GPHN: variants seen among roughly 807,000 people sequenced by gnomAD.
GPHN encodes the protein gephyrin.
GPHN carries 17 observed loss-of-function variants against 95.5 expected under a neutral mutation model. The observed-to-expected ratio is 0.18, with a 90% confidence interval of 0.12 to 0.27. The LOEUF (loss-of-function observed/expected upper bound fraction) is 0.27, where lower values mean the gene tolerates loss of function less well. GPHN is among the 10% of genes least tolerant of loss of function. The pLI is 1.00. For synonymous variants in GPHN, 320 were observed against 322.5 expected, an observed-to-expected ratio of 0.99 and a Z score of 0.08; for missense variants, 660 against 978.1, an observed-to-expected ratio of 0.67 and a Z score of 4.34.
At chr14:66,582,374 A>C (rs2061221633) in intron 1 of GPHN, among the ~76,000 whole-genome samples, 1 of 151,774 alleles carries the variant, frequency 6.6e-6, no homozygotes. Context: ...ATGCAACAAA[A>C]GCATTTTATT....
At chr14:67,047,755 G>A (rs959209362) in intron 10 of GPHN, among the ~76,000 whole-genome samples, 1 of 152,178 alleles carries the variant, frequency 6.6e-6, no homozygotes, top group Non-Finnish European at 1.5e-5. Context: ...GAGGCCAGGG[G>A]TTTGAAACCA....
In GPHN at chr14:66,508,169, C is replaced by T. The variant is rs1161560885; in HGVS notation, c.-359C>T. The stretch of plus-strand genomic sequence containing the variant: ...TATCCTTTCCTCTCAGTCCTGCCAT[C>T]TAGCTGCCTTGGGTCTCGCGCTCCG... On this transcript the variant is annotated 5_prime_UTR_variant, in exon 1 of 23. Transcript: ENST00000478722. 1 of 472,800 alleles carries T rather than the reference C, an allele frequency of 2.1e-6. No individual in the cohort carries two copies. The highest frequency in any genetic ancestry group is 3.9e-6 in the Non-Finnish European group (1 of 256,562). The allele number at this position is 472,800 out of a possible 1,614,324, so 29.3% of individuals were successfully genotyped here. A position where few individuals can be genotyped will look rare whatever the true frequency, so the allele number is the denominator to read the frequency against.
intron 1 of GPHN, among the ~76,000 whole-genome samples, chr14:66,528,645 T>C (rs769294981): frequency 1.3e-5 from 2 of 152,198 alleles, no homozygotes; most frequent in Non-Finnish European, 2.9e-5. Context: ...GGAGCTCTTG[T>C]AAGGCAGGCC....
intron 4 of GPHN, among the ~76,000 whole-genome samples, chr14:66,842,055 C>T (rs1229551216): frequency 5.2e-4 from 77 of 147,010 alleles, no homozygotes; most frequent in African/African-American, 1.7e-3. Context: ...TCCTTCCCCC[C>T]GCCCCCGCCC....
intron 11 of GPHN, among the ~76,000 whole-genome samples, chr14:67,072,589 A>T (rs2076352377): frequency 6.6e-6 from 1 of 152,168 alleles, no homozygotes; most frequent in African/African-American, 2.4e-5. Context: ...ATAAGAAGAA[A>T]ATCAGAGACA....
the GPHN span, among the ~76,000 whole-genome samples, chr14:67,372,240 A>G: frequency 1.3e-5 from 2 of 152,264 alleles, no homozygotes; most frequent in East Asian, 1.9e-4. Flanking sequence ...TGCTGGGACA[A>G]CTGGATGTCC....
chr14:67,246,543 A>G, the GPHN span, among the ~76,000 whole-genome samples: 1 of 150,932 alleles, frequency 6.6e-6, no homozygotes, highest in South Asian at 2.1e-4. Flanking sequence ...ATCTCCCTAT[A>G]TTGCCCAAGC....
chr14:66,806,880 C>T (rs905532000), intron 3 of GPHN, among the ~76,000 whole-genome samples: 2 of 152,190 alleles, frequency 1.3e-5, no homozygotes, highest in Non-Finnish European at 2.9e-5. Flanking sequence ...ATTGTTCCAA[C>T]CCCTACCTGT....
At chr14:66,537,635 T>G (rs1032441760) in intron 1 of GPHN, among the ~76,000 whole-genome samples, 4 of 152,190 alleles carry the variant, frequency 2.6e-5, no homozygotes, top group Admixed American at 2.6e-4. Context: ...GTGTACCCTT[T>G]CTAATGCTCA....
intron 2 of GPHN, among the ~76,000 whole-genome samples, chr14:66,710,976 C>T (rs1237258781): frequency 1.3e-5 from 2 of 152,086 alleles, no homozygotes; most frequent in Non-Finnish European, 2.9e-5. Flanking sequence ...CCACATATAC[C>T]TTACTAGAAT....
chr14:67,716,349 T>C, the GPHN span, among the ~76,000 whole-genome samples: 2 of 152,090 alleles, frequency 1.3e-5, no homozygotes, highest in Admixed American at 6.6e-5. Context: ...AGAGGAGATA[T>C]ATTTAAGTTG....
the GPHN span, among the ~76,000 whole-genome samples, chr14:67,688,834 G>A: frequency 2.0e-5 from 3 of 152,016 alleles, no homozygotes; most frequent in South Asian, 2.1e-4. Flanking sequence ...TTTCTCCCCC[G>A]TTAGATGTAA....
At chr14:67,605,162 T>C in the GPHN span, among the ~76,000 whole-genome samples, 338 of 152,352 alleles carry the variant, frequency 2.2e-3, no homozygotes, top group African/African-American at 7.9e-3. Flanking sequence ...TAAGGGAGAA[T>C]TGACATCTTA....
At chr14:66,811,359 A>G (rs1314957413) in intron 3 of GPHN, among the ~76,000 whole-genome samples, 2 of 152,144 alleles carry the variant, frequency 1.3e-5, no homozygotes, top group African/African-American at 4.8e-5. Context: ...ATGTGTGTGT[A>G]TTTTTTTATG....
the GPHN span, among the ~76,000 whole-genome samples, chr14:67,619,284 G>A: frequency 1.3e-5 from 2 of 152,194 alleles, no homozygotes; most frequent in African/African-American, 2.4e-5. Context: ...CGTTATTCAG[G>A]TAAAGAATTA....
At chr14:67,177,695 A>G (rs562939182) in intron 21 of GPHN, among the ~76,000 whole-genome samples, 1 of 152,214 alleles carries the variant, frequency 6.6e-6, no homozygotes, top group Admixed American at 6.5e-5. Flanking sequence ...GTCTCCCATT[A>G]TTATTGTGTG....
intron 10 of GPHN, 99 bp from the exon 11 acceptor site, chr14:67,058,550 G>C (rs916715352): frequency 2.0e-6 from 2 of 1,020,314 alleles, no homozygotes; most frequent in Admixed American, 3.4e-5. Context: ...ATCTTCATCT[G>C]GGGACATTTG....
At chr14:66,577,432 A>G (rs2140425787) in intron 1 of GPHN, among the ~76,000 whole-genome samples, 1 of 152,298 alleles carries the variant, frequency 6.6e-6, no homozygotes, top group South Asian at 2.1e-4. Flanking sequence ...CTTAAGTTTC[A>G]GTTATTTACA....
At chr14:66,625,684 C>G (rs955605469) in intron 1 of GPHN, among the ~76,000 whole-genome samples, 1 of 152,142 alleles carries the variant, frequency 6.6e-6, no homozygotes, top group Non-Finnish European at 1.5e-5. Context: ...CACAATTTGT[C>G]AGTCTCCATC....
Sources: allele counts gnomAD v4.1 joint callset (sites outside exome capture counted in the v4.1 genomes callset), GRCh38; gene constraint gnomAD v4.1.1; transcripts MANE v1.5; gene names NCBI Gene and HGNC (gene_info 2026-07-23, HGNC 2026-07-21).